Variants in RABEP1 observed in about 807,000 individuals in gnomAD.
RABEP1 encodes rab GTPase-binding effector protein 1.
RABEP1 carries 51 observed loss-of-function variants against 123.4 expected under a neutral mutation model. The ratio of observed to expected loss-of-function variants is 0.41; its 90% CI spans 0.33 to 0.52. RABEP1 has a LOEUF of 0.52. Among genes scored for constraint, RABEP1 ranks in the 20% least tolerant of loss-of-function variants. The pLI is 0.16. For synonymous variants in RABEP1, 347 were observed against 355.2 expected, an observed-to-expected ratio of 0.98 and a Z score of 0.26; for missense variants, 888 against 996.3, an observed-to-expected ratio of 0.89 and a Z score of 1.46.
intron 2 of RABEP1, among the ~76,000 whole-genome samples, chr17:5,311,053 G>A (rs1250354903): frequency 2.0e-5 from 3 of 151,992 alleles, no homozygotes; most frequent in East Asian, 3.9e-4. Context: ...CAGATGATCC[G>A]CCTGCCTCGG....
intron 2 of RABEP1, among the ~76,000 whole-genome samples, chr17:5,316,761 A>G (rs2075300401): frequency 6.9e-6 from 1 of 145,508 alleles, no homozygotes; most frequent in African/African-American, 2.5e-5. Context: ...TGAACCCAAG[A>G]GACAGAGTTT....
chr17:5,294,472 ATAAGT>A (rs1264975283), intron 1 of RABEP1, among the ~76,000 whole-genome samples: 1 of 152,044 alleles, frequency 6.6e-6, no homozygotes. Flanking sequence ...ATTAGGTATT[ATAAGT>A]TATTTAGAGG....
At chr17:5,381,227 C>T (rs1911421900) in intron 16 of RABEP1, among the ~76,000 whole-genome samples, 162 bp from the exon 17 acceptor site, 1 of 142,778 alleles carries the variant, frequency 7.0e-6, no homozygotes, top group African/African-American at 2.6e-5. Context: ...GTCTAGATGG[C>T]CTGCACGCTT....
In RABEP1 at chr17:5,330,024, G is replaced by A. The variant is rs183876181; in HGVS notation, c.164-1925G>A. On this transcript the variant is annotated intron_variant, in intron 2 of 17. Coordinates refer to ENST00000537505, the MANE Select transcript of RABEP1 (RefSeq NM_004703.6). ...AAAGTACCAGAGGTAATTAGCATGA[G>A]GACCTGTTAAGTGTATAAACTTGAG... 1.4e-3 allele frequency among the ~76,000 whole-genome samples: 218 copies of A among 152,136 alleles called. 3 individuals carry two copies. The highest frequency in any genetic ancestry group is 5.8e-4 in the East Asian group (3 of 5,180).
chr17:5,367,910 A>G (rs1350262754), intron 11 of RABEP1, among the ~76,000 whole-genome samples: 5 of 150,732 alleles, frequency 3.3e-5, no homozygotes, highest in East Asian at 2.0e-4. Context: ...GCCCGCCACC[A>G]CACCCAGCTA....
chr17:5,318,491 C>T (rs1268291196), intron 2 of RABEP1, among the ~76,000 whole-genome samples: 2 of 152,062 alleles, frequency 1.3e-5, no homozygotes, highest in Admixed American at 6.6e-5. Flanking sequence ...TACTCTAGGT[C>T]CCATATATAG....
intron 1 of RABEP1, among the ~76,000 whole-genome samples, chr17:5,284,734 A>G (rs947568511): frequency 2.6e-5 from 4 of 151,970 alleles, no homozygotes; most frequent in Non-Finnish European, 5.9e-5. Flanking sequence ...CCAAAGTGCT[A>G]GGATTGTAGG....
At chr17:5,298,333 C>A (rs535974351) in intron 1 of RABEP1, among the ~76,000 whole-genome samples, 1 of 152,158 alleles carries the variant, frequency 6.6e-6, no homozygotes, top group East Asian at 1.9e-4. Context: ...GAATTTGATT[C>A]GTTTTACGGT....
intron 11 of RABEP1, 132 bp downstream of exon 11, chr17:5,365,370 T>G (rs1909925008): frequency 1.9e-6 from 1 of 535,120 alleles, no homozygotes; most frequent in Admixed American, 3.8e-5. Flanking sequence ...GGTAAAAAGA[T>G]TTCTTACTGA....
chr17:5,380,569 A>T, intron 16 of RABEP1, 107 bp downstream of exon 16: 1 of 985,620 alleles, frequency 1.0e-6, no homozygotes, highest in East Asian at 2.7e-5. Context: ...GTCACCTTTT[A>T]AAAAGTTGGC....
intron 16 of RABEP1, 93 bp downstream of exon 16, chr17:5,380,555 A>T (rs1338351744): frequency 1.8e-6 from 2 of 1,089,386 alleles, no homozygotes; most frequent in East Asian, 2.6e-5. Context: ...TGGTGCTTTG[A>T]AGTGTCACCT....
intron 3 of RABEP1, 68 bp from the exon 4 acceptor site, chr17:5,335,116 A>G (rs1906939381): frequency 7.2e-7 from 1 of 1,388,568 alleles, no homozygotes; most frequent in Non-Finnish European, 9.8e-7. Flanking sequence ...AACTTTAAAA[A>G]ATTTAGTGTG....
chr17:5,381,011 A>C (rs1911404692), intron 16 of RABEP1, among the ~76,000 whole-genome samples: 1 of 152,156 alleles, frequency 6.6e-6, no homozygotes, highest in Admixed American at 6.5e-5. Flanking sequence ...GTATTCACTA[A>C]GTTTCCTGGT....
intron 5 of RABEP1, 72 bp from the exon 6 acceptor site, chr17:5,346,718 C>G: frequency 7.8e-7 from 1 of 1,283,340 alleles, no homozygotes; most frequent in African/African-American, 1.5e-5. Flanking sequence ...ATAGCCAGAA[C>G]TTACCATCAT....
chr17:5,381,215 T>C (rs922915111), intron 16 of RABEP1, among the ~76,000 whole-genome samples, 174 bp from the exon 17 acceptor site: 2 of 150,874 alleles, frequency 1.3e-5, no homozygotes, highest in African/African-American at 2.4e-5. Context: ...TTAGAGCAAG[T>C]AGTCTAGATG....
At chr17:5,302,244 A>ATTTTTTTTTTTTT (rs57770310) in intron 1 of RABEP1, among the ~76,000 whole-genome samples, 9,040 of 117,566 alleles carry the variant, frequency 0.077, 742 homozygotes, top group East Asian at 0.12. Flanking sequence ...TACTGAAAAC[A>ATTTTTTTTTTTTT]TTTTTTTTTT....
In RABEP1 at chr17:5,339,317, A is replaced by G. The variant is rs190249529; in HGVS notation, c.648+1179A>G. ...AAAATCTAACTTTATGTTACTTGTA[A>G]GAGCTATGCCTAAAATCAAACCACA... On this transcript the variant is annotated intron_variant, in intron 5 of 17. Coordinates refer to ENST00000537505, the MANE Select transcript of RABEP1 (RefSeq NM_004703.6). Among the ~76,000 whole-genome samples the G allele has an allele frequency of 5.2e-4, 79 of 152,358 alleles. 1 individual carries two copies. The highest frequency in any genetic ancestry group is 1.7e-3 in the African/African-American group (72 of 41,586).
chr17:5,377,629 C>T (rs930019522), intron 14 of RABEP1, among the ~76,000 whole-genome samples: 1 of 149,546 alleles, frequency 6.7e-6, no homozygotes, highest in Non-Finnish European at 1.5e-5. Context: ...CAGGTTCAGG[C>T]AATTCTGCTG....
intron 6 of RABEP1, among the ~76,000 whole-genome samples, chr17:5,348,667 TCTC>T (rs1283314523): frequency 6.6e-6 from 1 of 152,088 alleles, no homozygotes; most frequent in African/African-American, 2.4e-5. Context: ...TTCACGCCAT[TCTC>T]CTGTCTCAGC....
Sources: gnomAD v4.1 joint callset for allele counts (sites outside exome capture counted in the v4.1 genomes callset) on GRCh38, gnomAD v4.1.1 for gene constraint, MANE v1.5 for transcripts, NCBI Gene and HGNC (gene_info 2026-07-23, HGNC 2026-07-21) for gene names.